PPIP5K2: variants seen among roughly 807,000 people sequenced by gnomAD.
PPIP5K2 encodes diphosphoinositol pentakisphosphate kinase 2, also known as inositol hexakisphosphate and diphosphoinositol-pentakisphosphate kinase 2.
A neutral mutation model predicts 154.6 loss-of-function variants in PPIP5K2; 105 were observed. The ratio of observed to expected loss-of-function variants is 0.68; its 90% CI spans 0.58 to 0.80. PPIP5K2 has a LOEUF of 0.80. Ranked by LOEUF, PPIP5K2 falls within the 30% of genes least tolerant of loss-of-function variation. The pLI is 0.00. For synonymous variants in PPIP5K2, 480 were observed against 490.3 expected, an observed-to-expected ratio of 0.98 and a Z score of 0.28; for missense variants, 992 against 1,504.6, an observed-to-expected ratio of 0.66 and a Z score of 5.64.
intron 5 of PPIP5K2, among the ~76,000 whole-genome samples, chr5:103,143,308 A>G (rs1269006182): frequency 1.3e-5 from 2 of 152,196 alleles, no homozygotes; most frequent in Non-Finnish European, 2.9e-5. Context: ...CTCGCACTTC[A>G]GCTTCCTGAG....
chr5:103,156,085 G>A (rs2149593706), intron 14 of PPIP5K2, 91 bp downstream of exon 14: 1 of 826,468 alleles, frequency 1.2e-6, no homozygotes. Flanking sequence ...TTGCTTAGTA[G>A]TTTAGGGAAT....
At chr5:103,136,923 C>T in intron 4 of PPIP5K2, 101 bp downstream of exon 4, 3 of 800,298 alleles carry the variant, frequency 3.7e-6, no homozygotes, top group Non-Finnish European at 6.4e-6. Flanking sequence ...ATTATTAATT[C>T]ATTGTACTTT....
intron 8 of PPIP5K2, among the ~76,000 whole-genome samples, chr5:103,151,013 A>G (rs1247467697): frequency 6.6e-6 from 1 of 151,796 alleles, no homozygotes; most frequent in African/African-American, 2.4e-5. Flanking sequence ...CTTATGCGTT[A>G]TTGTTGTACA....
intron 1 of PPIP5K2, among the ~76,000 whole-genome samples, chr5:103,128,743 T>C (rs1463071725): frequency 1.3e-5 from 2 of 152,196 alleles, no homozygotes; most frequent in Non-Finnish European, 2.9e-5. Context: ...TTCTACATGT[T>C]TAAGAGCTGC....
rs1554218161 is a variant in PPIP5K2, at chr5:103,167,206, A to T, written c.1948A>T (p.Ile650Phe). The part of the protein sequence containing the change: ...KLTPSGSISL[I>F]KSMHLIKNPV... ...TACTCCATCTGGAAGCATTTCTCTTATCAAATCAATGCATTTAATTAAAAA... is the reference window on the plus strand; with the variant it reads ...TACTCCATCTGGAAGCATTTCTCTTTTCAAATCAATGCATTTAATTAAAAA... The change falls in exon 18 of 31, where the codon ATC (isoleucine) becomes TTC (phenylalanine). Residue 650 changes from isoleucine to phenylalanine, a missense_variant. Transcript: ENST00000358359. 6.3e-7 allele frequency: 1 copy of T among 1,584,502 alleles called. No individual in the cohort carries two copies. Among genetic ancestry groups the T allele is most frequent in the Admixed American group, 1.8e-5 (1 of 56,544 alleles).
chr5:103,126,413 G>C (rs1267081768), intron 1 of PPIP5K2, among the ~76,000 whole-genome samples: 1 of 151,832 alleles, frequency 6.6e-6, no homozygotes, highest in Non-Finnish European at 1.5e-5. Flanking sequence ...TTTTTTCCCC[G>C]AAAGTTGATT....
chr5:103,145,586 A>C (rs964830112), intron 5 of PPIP5K2, among the ~76,000 whole-genome samples: 3 of 152,126 alleles, frequency 2.0e-5, no homozygotes, highest in African/African-American at 7.2e-5. Context: ...TGTCATTTGC[A>C]ACAACATGGA....
At chr5:103,183,466 C>T in intron 25 of PPIP5K2, 59 bp downstream of exon 25, 2 of 1,448,528 alleles carry the variant, frequency 1.4e-6, no homozygotes, top group African/African-American at 1.4e-5. Context: ...CAACAAACAG[C>T]TGTCTTTGAG....
chr5:103,135,425 G>T (rs1390264849), intron 3 of PPIP5K2, among the ~76,000 whole-genome samples: 2 of 152,120 alleles, frequency 1.3e-5, no homozygotes, highest in Non-Finnish European at 2.9e-5. Context: ...TGGAGACTTT[G>T]TGTCAATTTT....
intron 17 of PPIP5K2, among the ~76,000 whole-genome samples, chr5:103,162,359 T>G (rs369128870): frequency 0.052 from 7,873 of 151,062 alleles, 524 homozygotes; most frequent in African/African-American, 0.16. Context: ...TCTTTTTTTT[T>G]TTTTTGTTTT....
chr5:103,160,343 A>G (rs1337159501), intron 17 of PPIP5K2, among the ~76,000 whole-genome samples: 3 of 152,122 alleles, frequency 2.0e-5, no homozygotes, highest in African/African-American at 7.2e-5. Flanking sequence ...CAATGTTCAT[A>G]CTGTTTTCTA....
At chr5:103,196,499 G>C (rs1368993024) in intron 30 of PPIP5K2, among the ~76,000 whole-genome samples, 2 of 152,028 alleles carry the variant, frequency 1.3e-5, no homozygotes, top group East Asian at 3.9e-4. Flanking sequence ...TATATTATAA[G>C]CATTTTTCTA....
chr5:103,177,924 T>G lies in PPIP5K2; in HGVS notation c.2698T>G (p.Cys900Gly). Reference protein sequence around the residue: ...ELHFSPGAKGCEEDKNLPSGY... With the variant: ...ELHFSPGAKGGEEDKNLPSGY... ...ACACTTTAGTCCGGGAGCCAAAGGT[T>G]GTGAAGAAGACAAAAATTTGCCATC... is the stretch of plus-strand genomic sequence containing the variant. Residue 900 changes from cysteine to glycine, a missense_variant, in exon 23 of 31, where the codon TGT becomes GGT. Around this residue, in one of 9 missense-constraint regions of PPIP5K2, gnomAD observed 157 missense variants for 281.2 expected, o/e 0.56. Transcript: ENST00000358359. The G allele has an allele frequency of 6.2e-7, 1 of 1,613,334 alleles. No homozygotes were observed. Among genetic ancestry groups the G allele is most frequent in the Non-Finnish European group, 8.5e-7 (1 of 1,179,440 alleles).
Position 103,183,302 on chromosome 5 carries a change from G to C in PPIP5K2, c.2991G>C (p.Val997=), listed in dbSNP as rs1554223700. 6.3e-7 allele frequency: 1 copy of C among 1,599,892 alleles called. No homozygotes were observed. The highest frequency in any genetic ancestry group is 8.5e-7 in the Non-Finnish European group (1 of 1,175,700). The change falls in exon 25 of 31, where the codon GTG becomes GTC. Residue 997 remains valine, a synonymous_variant. Coordinates refer to ENST00000358359, the MANE Select transcript of PPIP5K2 (RefSeq NM_001276277.3). ...CCTGGCTGCATTATACCAGTGGTGT[G>C]GGTACTGGGCGTCGAAGACGCAGAT... ...TGTWLHYTSG[V]GTGRRRRRSG... is the part of the protein sequence containing the mutation.
intron 17 of PPIP5K2, among the ~76,000 whole-genome samples, chr5:103,163,762 C>G (rs1259380978): frequency 1.3e-5 from 2 of 151,854 alleles, no homozygotes; most frequent in Non-Finnish European, 2.9e-5. Flanking sequence ...TTATATCTTA[C>G]AGTTTTTTGA....
chr5:103,200,875 C>A (rs929888278), intron 30 of PPIP5K2, among the ~76,000 whole-genome samples: 3 of 151,960 alleles, frequency 2.0e-5, no homozygotes, highest in African/African-American at 7.3e-5. Flanking sequence ...TGGGCTCAAG[C>A]GATCCTCCCA....
At chr5:103,153,993 T>C in intron 11 of PPIP5K2, 59 bp downstream of exon 11, 1 of 1,284,166 alleles carries the variant, frequency 7.8e-7, no homozygotes, top group Non-Finnish European at 1.1e-6. Context: ...TTCTGATAAG[T>C]GATCAACTCT....
chr5:103,123,079 A>C (rs1271534451), intron 1 of PPIP5K2, among the ~76,000 whole-genome samples: 1 of 152,222 alleles, frequency 6.6e-6, no homozygotes, highest in South Asian at 2.1e-4. Context: ...GATACATTCT[A>C]AATTGAGTTA....
At position 103,133,462 on chromosome 5, in the gene PPIP5K2, A is replaced by C; in HGVS notation, c.124A>C (p.Arg42=). 1 of 1,602,718 alleles carries C rather than the reference A, an allele frequency of 6.2e-7. No homozygotes were observed. The highest frequency in any genetic ancestry group is 8.5e-7 in the Non-Finnish European group (1 of 1,177,494). The change falls in exon 3 of 31, where the codon AGG becomes CGG. Residue 42 remains arginine (R), a synonymous_variant. Transcript: ENST00000358359. The part of the protein sequence containing the change: ...DEEEDDSPPE[R]QIVVGICSMA... The stretch of plus-strand genomic sequence containing the variant: ...TTCATTTTTGTTTTAGCCACCAGAA[A>C]GGCAGATTGTGGTTGGAATATGTTC...
Sources: gnomAD v4.1 joint callset for allele counts (sites outside exome capture counted in the v4.1 genomes callset) on GRCh38, gnomAD v4.1.1 for gene constraint, gnomAD v4.1.1 regional missense constraint, MANE v1.5 for transcripts, NCBI Gene and HGNC (gene_info 2026-07-23, HGNC 2026-07-21) for gene names.